TCEA2: variants seen among roughly 807,000 people sequenced by gnomAD.
TCEA2 encodes the protein transcription elongation factor A protein 2.
Under a neutral mutation model 40.8 loss-of-function variants are expected in TCEA2, and 21 were observed. That is an observed-to-expected ratio of 0.51 (90% CI 0.36 to 0.74). TCEA2 has a LOEUF of 0.74. Ranked by LOEUF, TCEA2 falls within the 30% of genes least tolerant of loss-of-function variation. TCEA2 has a pLI of 0.00. For missense variants in TCEA2, 326 were observed against 426.5 expected (o/e 0.76, Z 2.08); for synonymous variants, 165 against 162.7 (o/e 1.01, Z -0.11).
At chr20:64,070,843 G>A (rs1159253957) in intron 8 of TCEA2, among the ~76,000 whole-genome samples, 1 of 152,254 alleles carries the variant, frequency 6.6e-6, no homozygotes, top group Non-Finnish European at 1.5e-5. Context: ...GTCTTGGGTG[G>A]TGGGACCCAC....
At chr20:64,066,605 G>T in intron 2 of TCEA2, 67 bp downstream of exon 2, 1 of 1,572,330 alleles carries the variant, frequency 6.4e-7, no homozygotes, top group South Asian at 1.1e-5. Flanking sequence ...GCAGTTCTGA[G>T]GGCACCTGGC....
At chr20:64,067,940 G>A in intron 3 of TCEA2, 107 bp from the exon 4 acceptor site, 3 of 829,022 alleles carry the variant, frequency 3.6e-6, no homozygotes, top group South Asian at 2.0e-5. Flanking sequence ...CGGGGGCTGG[G>A]GCTGGGGCCG....
rs117170788 is a variant in TCEA2 at position 64,070,653 on chromosome 20, A to C, written c.819+18A>C. 6.6e-4 allele frequency: 1,021 copies of C among 1,535,906 alleles called. 14 individuals are homozygous for C. The East Asian group carries it at 0.021, about 31-fold the overall frequency. Reference sequence around the variant, plus strand: ...ACACACAGGTGAGCGGCCGCTGGGCACCCTCCCCCGGGCCCGGTGTCTTCA... The same window carrying C: ...ACACACAGGTGAGCGGCCGCTGGGCCCCCTCCCCCGGGCCCGGTGTCTTCA... On this transcript the variant is annotated intron_variant, in intron 8 of 9. Transcript: ENST00000343484.
intron 6 of TCEA2, 99 bp downstream of exon 6, chr20:64,069,920 C>T: frequency 2.1e-6 from 3 of 1,458,004 alleles, no homozygotes; most frequent in Non-Finnish European, 2.8e-6. Context: ...CACTGCCCAG[C>T]TGTCCAGGGG....
At chr20:64,072,084 G>T in intron 9 of TCEA2, 88 bp from the exon 10 acceptor site, 1 of 1,598,886 alleles carries the variant, frequency 6.3e-7, no homozygotes, top group Non-Finnish European at 8.5e-7. Context: ...TGGGTGGAGA[G>T]CCCAGCCTTG....
upstream of TCEA2, among the ~76,000 whole-genome samples, chr20:64,056,064 T>G (rs2059470101): frequency 6.6e-6 from 1 of 151,896 alleles, no homozygotes. Flanking sequence ...AGTGCATTGT[T>G]AGAGCAAGCC....
At chr20:64,055,751 G>C (rs901167502), upstream of TCEA2, among the ~76,000 whole-genome samples, 1 of 152,058 alleles carries the variant, frequency 6.6e-6, no homozygotes, top group South Asian at 2.1e-4. This position sits in a 1 kb window ranked among gnomAD's most constrained non-coding sequence, Gnocchi z 4.0. Flanking sequence ...CAGGAGGGAC[G>C]GGCAGTCCCC....
At position 64,068,118 on chromosome 20, in the gene TCEA2, G is replaced by A. The variant is rs1601593539; in HGVS notation, c.313G>A (p.Glu105Lys). The change falls in exon 4 of 10, where the codon GAG (glutamate) becomes AAG (lysine). Residue 105 changes from glutamate (E) to lysine (K), a missense_variant. Glu to Lys is a moderately conservative substitution (Grantham distance 56). Coordinates refer to ENST00000343484, the MANE Select transcript of TCEA2 (RefSeq NM_003195.6). ...GCCCACGTCCTCGAGGGATGCCTCA[G>A]AGGCCCCGGATCCCAGGTAGCACAC... ...PLPTSSRDASEAPDPSRKRPE... is the reference protein window; with the variant it reads ...PLPTSSRDASKAPDPSRKRPE... The A allele has an allele frequency of 1.2e-6, 2 of 1,608,874 alleles. No individual in the cohort carries two copies. Among genetic ancestry groups the A allele is most frequent in the Middle Eastern group, 3.4e-4 (2 of 5,924 alleles).
upstream of TCEA2, among the ~76,000 whole-genome samples, chr20:64,058,452 G>A (rs957002018): frequency 2.6e-5 from 4 of 152,190 alleles, no homozygotes; most frequent in African/African-American, 9.7e-5. This position sits in a 1 kb window ranked among gnomAD's most constrained non-coding sequence, Gnocchi z 6.7. Flanking sequence ...CTCCTCACGA[G>A]CTCTGTCTTG....
At chr20:64,072,107 C>T (rs917730398) in intron 9 of TCEA2, 65 bp from the exon 10 acceptor site, 15 of 1,606,116 alleles carry the variant, frequency 9.3e-6, no homozygotes, top group East Asian at 2.2e-5. Flanking sequence ...TGAGCCTGTG[C>T]GGCCTTCCAC....
Position 64,063,352 on chromosome 20 carries a change from A to G in TCEA2, c.40A>G (p.Arg14Gly). 1.9e-6 allele frequency: 3 copies of G among 1,549,428 alleles called. No homozygotes were observed. The highest frequency in any genetic ancestry group is 2.6e-6 in the Non-Finnish European group (3 of 1,147,252). The change falls in exon 1 of 10, where the codon AGG (arginine) becomes GGG (glycine). Residue 14 changes from arginine to glycine, a missense_variant. Arg to Gly is a moderately radical substitution (Grantham distance 125, BLOSUM62 -2). Transcript: ENST00000343484. ...AGAGGAGATTGCGCGGATCGCCCGGAGGCTGGACAAGATGGTGACCAAGAA... is the reference window on the plus strand; with the variant it reads ...AGAGGAGATTGCGCGGATCGCCCGGGGGCTGGACAAGATGGTGACCAAGAA... Reference protein sequence around the residue: ...KEEEIARIARRLDKMVTKKSA... With the variant: ...KEEEIARIARGLDKMVTKKSA...
intron 1 of TCEA2, 190 bp downstream of exon 1, chr20:64,063,574 G>A: frequency 1.5e-6 from 1 of 656,900 alleles, no homozygotes; most frequent in Non-Finnish European, 2.5e-6. Context: ...CAGCCCTGCC[G>A]TTCACTCCCG....
upstream of TCEA2, among the ~76,000 whole-genome samples, chr20:64,061,077 C>T (rs1601572060): frequency 6.7e-6 from 1 of 150,184 alleles, no homozygotes; most frequent in Admixed American, 6.7e-5. Context: ...AAGCATGAGC[C>T]ACCGCGCCCA....
intron 8 of TCEA2, 63 bp from the exon 9 acceptor site, chr20:64,071,807 G>A: frequency 2.5e-6 from 4 of 1,592,990 alleles, no homozygotes; most frequent in Non-Finnish European, 2.6e-6. Flanking sequence ...TGCCCATGTT[G>A]AGGGGATGCC....
At chr20:64,066,887 C>T (rs761377480) in intron 2 of TCEA2, 28 bp from the exon 3 acceptor site, 14 of 1,587,680 alleles carry the variant, frequency 8.8e-6, no homozygotes, top group Non-Finnish European at 1.0e-5. Flanking sequence ...GCCCCTGCCT[C>T]CCCCAACCCA....
At position 64,072,187 on chromosome 20, in the gene TCEA2, G is replaced by A. The variant is rs774021337; in HGVS notation, c.*7G>A. 1.2e-5 allele frequency: 20 copies of A among 1,613,286 alleles called. No individual in the cohort carries two copies. Among genetic ancestry groups the A allele is most frequent in the African/African-American group, 5.3e-5 (4 of 74,924 alleles). The stretch of plus-strand genomic sequence containing the variant: ...TTTCTCGCAGTTCTGCTGACCCCTC[G>A]TGTAGATGTGCTGCAGCCTTGGGCC... On this transcript the variant is annotated 3_prime_UTR_variant, in exon 10 of 10. Coordinates refer to ENST00000343484, the MANE Select transcript of TCEA2 (RefSeq NM_003195.6).
At chr20:64,063,149 G>C, upstream of TCEA2, 1 of 500,602 alleles carries the variant, frequency 2.0e-6, no homozygotes, top group Non-Finnish European at 2.9e-6. Flanking sequence ...ATCCTAGGAT[G>C]CCGCGCGCGG....
upstream of TCEA2, among the ~76,000 whole-genome samples, chr20:64,056,458 G>A (rs1002899700): frequency 3.3e-5 from 5 of 152,220 alleles, no homozygotes; most frequent in Non-Finnish European, 5.9e-5. Flanking sequence ...GGGCTGGAGG[G>A]TCTGATGGAA....
At chr20:64,060,190 C>G (rs1053068044), upstream of TCEA2, among the ~76,000 whole-genome samples, 1 of 152,228 alleles carries the variant, frequency 6.6e-6, no homozygotes, top group African/African-American at 2.4e-5. Context: ...AGGGGCCTCT[C>G]TGTGCTGCAG....
Sources: gnomAD v4.1 joint callset for allele counts (sites outside exome capture counted in the v4.1 genomes callset) on GRCh38, gnomAD v4.1.1 for gene constraint, Gnocchi (gnomAD v3.1) non-coding constraint, MANE v1.5 for transcripts, NCBI Gene and HGNC (gene_info 2026-07-23, HGNC 2026-07-21) for gene names.